The following TMTC1 variants were observed in gnomAD, a reference collection of about 807,000 sequenced individuals.
The protein encoded by TMTC1 is transmembrane O-mannosyltransferase targeting cadherins 1, also known as protein O-mannosyl-transferase TMTC1.
A neutral mutation model predicts 104.8 loss-of-function variants in TMTC1; 73 were observed. That is an observed-to-expected ratio of 0.70 (90% confidence interval 0.58 to 0.85). The LOEUF is 0.85. Among genes scored for constraint, TMTC1 ranks in the 40% least tolerant of loss-of-function variants. TMTC1 has a pLI of 0.00. For synonymous variants in TMTC1, 434 were observed against 428.7 expected, an observed-to-expected ratio of 1.01 and a Z score of -0.15; for missense variants, 1,035 against 1,096.1, an observed-to-expected ratio of 0.94 and a Z score of 0.79.
At chr12:29,696,230 C>T (rs111790548) in intron 5 of TMTC1, among the ~76,000 whole-genome samples, 1,918 of 152,208 alleles carry the variant, frequency 0.013, 36 homozygotes, top group African/African-American at 0.044. Flanking sequence ...AAGATGTAGC[C>T]AGCTACATAC....
chr12:29,721,847 TTAA>T (rs1209483223), intron 5 of TMTC1, among the ~76,000 whole-genome samples: 12 of 151,954 alleles, frequency 7.9e-5, no homozygotes, highest in Admixed American at 6.5e-4. Flanking sequence ...AAATATTTCT[TTAA>T]TAATAATTTT....
intron 1 of TMTC1, among the ~76,000 whole-genome samples, chr12:29,775,134 T>C (rs1364173181): frequency 6.6e-6 from 1 of 151,900 alleles, no homozygotes; most frequent in African/African-American, 2.4e-5. Flanking sequence ...CGGAAGAAAA[T>C]CCTCAAAAAG....
chr12:29,603,819 C>T (rs1391806666), intron 7 of TMTC1, among the ~76,000 whole-genome samples: 1 of 152,098 alleles, frequency 6.6e-6, no homozygotes, highest in Admixed American at 6.6e-5. Flanking sequence ...GAACATAATA[C>T]TTTTATGCAA....
intron 11 of TMTC1, chr12:29,533,403 G>T (rs10843443): frequency 0.19 from 28,936 of 152,042 alleles, 3,119 homozygotes; most frequent in East Asian, 0.38. Flanking sequence ...TAAGAGCAAG[G>T]TATACCAAAT....
intron 8 of TMTC1, among the ~76,000 whole-genome samples, chr12:29,574,709 T>C (rs1430310250): frequency 6.6e-6 from 1 of 152,200 alleles, no homozygotes; most frequent in Non-Finnish European, 1.5e-5. Context: ...TTCCTTGTTT[T>C]ATACGGGCAC....
rs1265425174 is a variant in TMTC1 at position 29,502,978 on chromosome 12, A to G, written c.*3868T>C. 6.6e-6 allele frequency: 1 copy of G among 152,226 alleles called. No homozygotes were observed. The highest frequency in any genetic ancestry group is 1.5e-5 in the Non-Finnish European group (1 of 68,038). 9.4% of individuals were successfully genotyped at this position (152,226 alleles called of 1,614,324 possible). A position where few individuals can be genotyped will look rare whatever the true frequency, so the allele number is the denominator to read the frequency against. The stretch of plus-strand genomic sequence containing the variant: ...ATCTGAGAACCTGGAATGTTTTACA[A>G]TGAAAACAGGAAACCCACATTTGCT... On this transcript the variant is annotated 3_prime_UTR_variant, in exon 18 of 18. Transcript: ENST00000539277.
chr12:29,558,230 T>C (rs187396780), intron 9 of TMTC1, among the ~76,000 whole-genome samples: 2 of 152,316 alleles, frequency 1.3e-5, no homozygotes, highest in Admixed American at 1.3e-4. Flanking sequence ...GTACTTTGAA[T>C]AAGCCGGTAG....
At chr12:29,538,192 G>T (rs1161551834) in intron 10 of TMTC1, among the ~76,000 whole-genome samples, 1 of 152,088 alleles carries the variant, frequency 6.6e-6, no homozygotes, top group African/African-American at 2.4e-5. Flanking sequence ...CTTTATTATT[G>T]ATTCACTCAT....
intron 16 of TMTC1, 78 bp downstream of exon 16, chr12:29,514,404 A>G (rs1292152177): frequency 1.4e-5 from 20 of 1,448,748 alleles, no homozygotes; most frequent in Non-Finnish European, 1.9e-5. Flanking sequence ...ATCTTACTGT[A>G]CATGTTTCCT....
At chr12:29,772,124 T>C (rs1943607857) in intron 1 of TMTC1, among the ~76,000 whole-genome samples, 1 of 152,186 alleles carries the variant, frequency 6.6e-6, no homozygotes, top group Non-Finnish European at 1.5e-5. Flanking sequence ...GGTTGTTCTG[T>C]TTTACTTTCA....
intron 17 of TMTC1, among the ~76,000 whole-genome samples, chr12:29,509,927 C>T (rs188476882): frequency 2.8e-4 from 42 of 152,270 alleles, no homozygotes; most frequent in African/African-American, 9.4e-4. Context: ...TATTTCCAGA[C>T]TTCTTGGACA....
chr12:29,667,583 A>G (rs1221626291), intron 5 of TMTC1, among the ~76,000 whole-genome samples: 2 of 152,158 alleles, frequency 1.3e-5, no homozygotes, highest in African/African-American at 4.8e-5. Flanking sequence ...TTTTATAATG[A>G]GGGAAAAAAA....
At position 29,660,928 on chromosome 12, in the gene TMTC1, C is replaced by T. The variant is rs551664662; in HGVS notation, c.939-27592G>A. The T allele has an allele frequency of 1.7e-3, 2,007 of 1,214,332 alleles. 3 individuals are homozygous for T. The highest frequency in any genetic ancestry group is 2.1e-3 in the Non-Finnish European group (1,823 of 884,148). 75.2% of individuals were successfully genotyped at this position (1,214,332 alleles called of 1,614,324 possible). On this transcript the variant is annotated intron_variant, in intron 5 of 17. Transcript: ENST00000539277. ...AAAAATCTTAGATAAGTGTGTCTAC[C>T]AGACACAATGTTCTCCTTTCAAGGT... is the stretch of plus-strand genomic sequence containing the variant.
At chr12:29,672,446 C>A (rs1940553888) in intron 5 of TMTC1, among the ~76,000 whole-genome samples, 2 of 152,166 alleles carry the variant, frequency 1.3e-5, no homozygotes. Flanking sequence ...ATGTAGAATG[C>A]AGGCCAGGTC....
intron 5 of TMTC1, among the ~76,000 whole-genome samples, chr12:29,672,738 C>T (rs941251840): frequency 2.0e-5 from 3 of 152,188 alleles, no homozygotes; most frequent in Non-Finnish European, 4.4e-5. Flanking sequence ...ACTGAGTTCT[C>T]TCAGGGGCCA....
chr12:29,661,273 G>T, intron 5 of TMTC1: 2 of 714,642 alleles, frequency 2.8e-6, no homozygotes, highest in Non-Finnish European at 3.4e-6. Context: ...CAGTTACACT[G>T]GTCACAGGGA....
intron 5 of TMTC1, among the ~76,000 whole-genome samples, chr12:29,713,745 C>T (rs1338602927): frequency 6.6e-6 from 1 of 152,066 alleles, no homozygotes; most frequent in African/African-American, 2.4e-5. Context: ...AGGCTCATTC[C>T]TCATTTTGAA....
chr12:29,615,335 T>G (rs1023805508), intron 6 of TMTC1, among the ~76,000 whole-genome samples: 3 of 152,174 alleles, frequency 2.0e-5, no homozygotes, highest in Admixed American at 6.5e-5. Context: ...CCCGCTGAGG[T>G]GCATGTAACA....
chr12:29,578,328 G>C (rs1945881602), intron 8 of TMTC1, among the ~76,000 whole-genome samples: 1 of 151,936 alleles, frequency 6.6e-6, no homozygotes, highest in Non-Finnish European at 1.5e-5. Context: ...ACAATGAACA[G>C]TTTGTGAAAA....
Sources: gnomAD v4.1 joint callset for allele counts (sites outside exome capture counted in the v4.1 genomes callset) on GRCh38, gnomAD v4.1.1 for gene constraint, MANE v1.5 for transcripts, NCBI Gene and HGNC (gene_info 2026-07-23, HGNC 2026-07-21) for gene names.